The following TRAPPC3L variants were observed in gnomAD, a reference collection of about 807,000 sequenced individuals.
TRAPPC3L encodes the protein trafficking protein particle complex subunit 3-like protein.
TRAPPC3L carries 23 observed loss-of-function variants against 23.7 expected under a neutral mutation model. That is an observed-to-expected ratio of 0.97 (90% CI 0.70 to 1.37). The LOEUF (loss-of-function observed/expected upper bound fraction) is 1.37, where lower values mean the gene tolerates loss of function less well. TRAPPC3L is among the 40% of genes most tolerant of loss of function. The probability of loss-of-function intolerance (pLI) is 0.00; values close to 1 mark genes in which losing one functional copy is unlikely to be tolerated. For missense variants in TRAPPC3L, 212 were observed against 216.8 expected (o/e 0.98, Z 0.14); for synonymous variants, 81 against 77.9 (o/e 1.04, Z -0.21).
At chr6:116,532,149 G>T (rs778143223) in intron 3 of TRAPPC3L, among the ~76,000 whole-genome samples, 2 of 152,290 alleles carry the variant, frequency 1.3e-5, no homozygotes, top group South Asian at 2.1e-4. Context: ...GAGCAGACAG[G>T]GTAGGAGTCT....
At position 116,530,902 on chromosome 6, in the gene TRAPPC3L, CATATATATATATATATATATATATATAT is replaced by C. The variant is rs10557481; in HGVS notation, c.240+9433_240+9460del. On this transcript the variant is annotated intron_variant, in intron 3 of 4. Coordinates refer to ENST00000368602, the MANE Select transcript of TRAPPC3L (RefSeq NM_001139444.3). ...GAAGGTTCATAGATAAAGTGAGACT[CATATATATATATATATATATATATATAT>C]ATATATATATATATGTTACTAATTT... Among the ~76,000 whole-genome samples, 21 of 76,482 alleles carry C rather than the reference CATATATATATATATATATATATATATAT, an allele frequency of 2.7e-4. 1 individual carries two copies. The East Asian group carries it at 3.4e-3, about 12-fold the overall frequency. 50.2% of individuals were successfully genotyped at this position (76,482 alleles called of 152,430 possible). A position where few individuals can be genotyped will look rare whatever the true frequency, so the allele number is the denominator to read the frequency against.
chr6:116,517,544 A>G (rs1772252373), intron 3 of TRAPPC3L: 1 of 152,178 alleles, frequency 6.6e-6, no homozygotes, highest in African/African-American at 2.4e-5. Context: ...ACTTCTTATT[A>G]ACATGAAACA....
rs1016182751 is a variant in TRAPPC3L, at chr6:116,543,257, G to A, written c.140+46C>T. The A allele has an allele frequency of 5.6e-6, 8 of 1,422,014 alleles. No individual in the cohort carries two copies. The African/African-American group carries it at 1.0e-4, about 18-fold the overall frequency. 88.1% of individuals were successfully genotyped at this position (1,422,014 alleles called of 1,614,324 possible). A position where few individuals can be genotyped will look rare whatever the true frequency, so the allele number is the denominator to read the frequency against. On this transcript the variant is annotated intron_variant, in intron 2 of 4. Coordinates refer to ENST00000368602, the MANE Select transcript of TRAPPC3L (RefSeq NM_001139444.3). ...TAGAGGCAGAAAGAATGCAGGTGAT[G>A]TAAGAAACAACAGCCATTCAATAAG...
chr6:116,501,114 G>A (rs1157538641), intron 3 of TRAPPC3L, among the ~76,000 whole-genome samples: 1 of 152,200 alleles, frequency 6.6e-6, no homozygotes, highest in Non-Finnish European at 1.5e-5. Flanking sequence ...ACTGTACTTG[G>A]AGGAACTGTA....
chr6:116,537,529 T>C (rs1279410040), intron 3 of TRAPPC3L, among the ~76,000 whole-genome samples: 3 of 152,234 alleles, frequency 2.0e-5, no homozygotes, highest in African/African-American at 7.2e-5. Flanking sequence ...TTCTTTCCTA[T>C]GCTCTCCATA....
At chr6:116,498,260 T>A (rs1771862219) in intron 4 of TRAPPC3L, among the ~76,000 whole-genome samples, 1 of 152,186 alleles carries the variant, frequency 6.6e-6, no homozygotes, top group African/African-American at 2.4e-5. Flanking sequence ...TTGGCTTGGT[T>A]TTATGGTTTT....
intron 3 of TRAPPC3L, among the ~76,000 whole-genome samples, chr6:116,515,021 T>C (rs1397238316): frequency 6.6e-6 from 1 of 152,202 alleles, no homozygotes; most frequent in East Asian, 1.9e-4. Context: ...TTTTTTCTAA[T>C]TACCAAAAAT....
At chr6:116,533,678 T>C (rs1485240003) in intron 3 of TRAPPC3L, among the ~76,000 whole-genome samples, 2 of 152,216 alleles carry the variant, frequency 1.3e-5, no homozygotes, top group African/African-American at 4.8e-5. Context: ...CTTGTAACGC[T>C]AGAGCTCCAT....
chr6:116,516,910 T>C (rs1692652163), intron 3 of TRAPPC3L: 1 of 152,008 alleles, frequency 6.6e-6, no homozygotes, highest in African/African-American at 2.4e-5. Context: ...TGGGCTACTA[T>C]AACAAAATAT....
At position 116,514,339 on chromosome 6, in the gene TRAPPC3L, T is replaced by C. The variant is rs578036214; in HGVS notation, c.241-13673A>G. On this transcript the variant is annotated intron_variant, in intron 3 of 4. Coordinates refer to ENST00000368602, the MANE Select transcript of TRAPPC3L (RefSeq NM_001139444.3). ...AGACGATGAAGGAAGGAGGAACATA[T>C]AAGGTAGCCAACCACAATCCATTCA... Among the ~76,000 whole-genome samples, 9 of 152,286 alleles carry C rather than the reference T, an allele frequency of 5.9e-5. No homozygotes were observed. The East Asian group carries it at 1.3e-3, about 23-fold the overall frequency.
intron 3 of TRAPPC3L, chr6:116,519,404 G>C (rs974182027): frequency 2.6e-5 from 4 of 152,218 alleles, no homozygotes; most frequent in African/African-American, 9.7e-5. Context: ...GCAGCCAAGA[G>C]AGAGCATTCC....
intron 3 of TRAPPC3L, among the ~76,000 whole-genome samples, chr6:116,510,076 A>C (rs1772083262): frequency 6.6e-6 from 1 of 152,220 alleles, no homozygotes; most frequent in Non-Finnish European, 1.5e-5. Context: ...ATATGAAAAA[A>C]TGCTCAACAT....
chr6:116,501,829 C>T (rs1237745227), intron 3 of TRAPPC3L, among the ~76,000 whole-genome samples: 1 of 152,182 alleles, frequency 6.6e-6, no homozygotes, highest in Admixed American at 6.5e-5. Context: ...ATAGCATCAA[C>T]ATCAACAAAA....
chr6:116,520,794 A>G (rs987359997), intron 3 of TRAPPC3L: 2 of 152,322 alleles, frequency 1.3e-5, no homozygotes, highest in African/African-American at 2.4e-5. Context: ...ACAGTAGAGT[A>G]TGATAAAAAT....
intron 3 of TRAPPC3L, among the ~76,000 whole-genome samples, chr6:116,511,106 G>GTGTATATATA (rs144175741): frequency 1.4e-5 from 2 of 140,848 alleles, no homozygotes; most frequent in African/African-American, 5.3e-5. Flanking sequence ...ATATATATAT[G>GTGTATATATA]TATATATATA....
At chr6:116,537,483 T>C (rs1773172948) in intron 3 of TRAPPC3L, among the ~76,000 whole-genome samples, 1 of 152,220 alleles carries the variant, frequency 6.6e-6, no homozygotes, top group Non-Finnish European at 1.5e-5. Flanking sequence ...CTGGGTTTTT[T>C]TCATGGGTCT....
At chr6:116,519,991 C>T (rs934757251) in intron 3 of TRAPPC3L, 1 of 152,020 alleles carries the variant, frequency 6.6e-6, no homozygotes, top group Non-Finnish European at 1.5e-5. Flanking sequence ...GCATGGCAGA[C>T]AAATCACTAC....
chr6:116,538,626 TA>T (rs1773239584), intron 3 of TRAPPC3L, among the ~76,000 whole-genome samples: 1 of 152,202 alleles, frequency 6.6e-6, no homozygotes, highest in Admixed American at 6.5e-5. Flanking sequence ...TAAACAACCT[TA>T]AATACAGGAG....
intron 4 of TRAPPC3L, among the ~76,000 whole-genome samples, chr6:116,497,472 T>C (rs1002321113): frequency 6.6e-6 from 1 of 152,218 alleles, no homozygotes; most frequent in African/African-American, 2.4e-5. Flanking sequence ...CTCAAACAGA[T>C]TTGCCATAAA....
Sources: allele counts gnomAD v4.1 joint callset (sites outside exome capture counted in the v4.1 genomes callset), GRCh38; gene constraint gnomAD v4.1.1; transcripts MANE v1.5; gene names NCBI Gene and HGNC (gene_info 2026-07-23, HGNC 2026-07-21).